Variants in DCLK1 observed in about 807,000 individuals in gnomAD.
DCLK1 encodes the protein doublecortin like kinase 1.
In DCLK1, 16 loss-of-function variants were observed where a neutral mutation model predicts 86.2. That is an observed-to-expected ratio of 0.19 (90% confidence interval 0.13 to 0.28). The LOEUF (loss-of-function observed/expected upper bound fraction) is 0.28, where lower values mean the gene tolerates loss of function less well. DCLK1 is among the 10% of genes least tolerant of loss of function. The probability of loss-of-function intolerance (pLI) is 1.00; values close to 1 mark genes in which losing one functional copy is unlikely to be tolerated. For missense variants in DCLK1, 590 were observed against 940.2 expected (o/e 0.63, Z 4.87); for synonymous variants, 369 against 370.5 (o/e 1.00, Z 0.05).
chr13:35,811,559 A>G (rs7983581), intron 11 of DCLK1, among the ~76,000 whole-genome samples: 46,626 of 152,072 alleles, frequency 0.31, 7,572 homozygotes, highest in African/African-American at 0.4. Flanking sequence ...ACTTGCCGGG[A>G]GCTGTGGCTC....
chr13:35,988,554 G>C (rs1880054295), intron 3 of DCLK1, among the ~76,000 whole-genome samples: 1 of 152,180 alleles, frequency 6.6e-6, no homozygotes, highest in African/African-American at 2.4e-5. Flanking sequence ...TACCATTTAT[G>C]ATCTATTTTT....
At chr13:35,846,685 C>A in intron 6 of DCLK1, 1 of 985,238 alleles carries the variant, frequency 1.0e-6, no homozygotes, top group Non-Finnish European at 1.2e-6. Context: ...TCACACTATG[C>A]CTCTGTGCAA....
At chr13:35,991,752 C>A (rs1880241111) in intron 3 of DCLK1, among the ~76,000 whole-genome samples, 1 of 152,130 alleles carries the variant, frequency 6.6e-6, no homozygotes, top group African/African-American at 2.4e-5. Context: ...CAGCTGTGAA[C>A]CTAGGATGGA....
At chr13:36,056,635 A>AG (rs1883325264) in intron 3 of DCLK1, among the ~76,000 whole-genome samples, 1 of 145,262 alleles carries the variant, frequency 6.9e-6, no homozygotes, top group Non-Finnish European at 1.5e-5. Context: ...AAAAAAAAAA[A>AG]AGAAAGAAAT....
At chr13:35,847,624 AAAG>A in intron 6 of DCLK1, 2 of 182,416 alleles carry the variant, frequency 1.1e-5, no homozygotes, top group Non-Finnish European at 1.3e-5. Context: ...TAAGCAAAAA[AAAG>A]AAAGAAAGAA....
At chr13:35,888,803 T>A (rs1873456659) in intron 4 of DCLK1, among the ~76,000 whole-genome samples, 1 of 152,228 alleles carries the variant, frequency 6.6e-6, no homozygotes, top group Non-Finnish European at 1.5e-5. Flanking sequence ...ACAAAATTAT[T>A]TCAGTAGATA....
chr13:35,809,130 C>T, intron 12 of DCLK1, 35 bp from the exon 13 acceptor site: 1 of 1,552,140 alleles, frequency 6.4e-7, no homozygotes, highest in Non-Finnish European at 8.8e-7. Flanking sequence ...TTAGGAGGGT[C>T]AGGCTCGGAC....
At chr13:35,895,286 G>GT (rs1340591470) in intron 4 of DCLK1, among the ~76,000 whole-genome samples, 3 of 136,386 alleles carry the variant, frequency 2.2e-5, no homozygotes, top group Admixed American at 6.8e-5. Flanking sequence ...AACAGGAAAG[G>GT]TAAAAAAAAA....
chr13:35,938,800 G>A, intron 4 of DCLK1, among the ~76,000 whole-genome samples: 1 of 151,970 alleles, frequency 6.6e-6, no homozygotes, highest in Non-Finnish European at 1.5e-5. Context: ...TTAGTGTCCA[G>A]GATTCACCTA....
chr13:35,792,056 C>T (rs982551996), intron 16 of DCLK1, among the ~76,000 whole-genome samples: 1 of 152,228 alleles, frequency 6.6e-6, no homozygotes, highest in Non-Finnish European at 1.5e-5. Flanking sequence ...GGTTAATTTA[C>T]TTCTACATTG....
intron 4 of DCLK1, among the ~76,000 whole-genome samples, chr13:35,916,776 G>T (rs969643177): frequency 4.6e-5 from 7 of 152,092 alleles, no homozygotes; most frequent in Non-Finnish European, 8.8e-5. Flanking sequence ...AATGCTCATG[G>T]GATTGTGACA....
chr13:35,775,889 A>T (rs148414187), intron 16 of DCLK1, among the ~76,000 whole-genome samples: 193 of 152,316 alleles, frequency 1.3e-3, no homozygotes, highest in African/African-American at 4.4e-3. Context: ...GATCTAAAAT[A>T]GGCCAATCAA....
At chr13:35,919,792 C>T (rs1854823606) in intron 4 of DCLK1, among the ~76,000 whole-genome samples, 1 of 150,642 alleles carries the variant, frequency 6.6e-6, no homozygotes, top group Admixed American at 6.6e-5. Flanking sequence ...GAGACCCCAC[C>T]CCTCTCAAAA....
chr13:36,125,611 A>G lies in DCLK1; in HGVS notation c.376+151T>C, dbSNP rs993047982. 1.9e-5 allele frequency: 23 copies of G among 1,199,340 alleles called. No homozygotes were observed. In the African/African-American group the frequency reaches 3.4e-4, roughly 18 times the overall value. 74.3% of individuals were successfully genotyped at this position (1,199,340 alleles called of 1,614,324 possible). A position where few individuals can be genotyped will look rare whatever the true frequency, so the allele number is the denominator to read the frequency against. Reference sequence around the variant, plus strand: ...TAATTTTTTTTCCTTTTTACTCTACACAATAGCACATTCGTATGTCTGAAA... The same window carrying G: ...TAATTTTTTTTCCTTTTTACTCTACGCAATAGCACATTCGTATGTCTGAAA... On this transcript the variant is annotated intron_variant, in intron 2 of 16. Transcript: ENST00000360631.
intron 3 of DCLK1, among the ~76,000 whole-genome samples, chr13:36,017,473 T>C (rs1566647507): frequency 1.3e-5 from 2 of 152,202 alleles, no homozygotes. Context: ...AATTCTCTTT[T>C]AACCAACACA....
chr13:35,948,083 C>A (rs1355301414), intron 3 of DCLK1, among the ~76,000 whole-genome samples: 1 of 152,238 alleles, frequency 6.6e-6, no homozygotes, highest in Admixed American at 6.5e-5. Flanking sequence ...TCTTGCCATG[C>A]AAAAGGCAAG....
chr13:35,964,537 G>A (rs1878627045), intron 3 of DCLK1, among the ~76,000 whole-genome samples: 1 of 152,172 alleles, frequency 6.6e-6, no homozygotes, highest in African/African-American at 2.4e-5. Flanking sequence ...TAATTACACT[G>A]AGGCATGTGG....
At chr13:35,949,090 A>G (rs1316461203) in intron 3 of DCLK1, among the ~76,000 whole-genome samples, 1 of 152,244 alleles carries the variant, frequency 6.6e-6, no homozygotes, top group Non-Finnish European at 1.5e-5. Flanking sequence ...AGCATCTGGC[A>G]GAAATGAAGA....
chr13:36,053,290 G>C (rs1458920056), intron 3 of DCLK1, among the ~76,000 whole-genome samples: 1 of 152,108 alleles, frequency 6.6e-6, no homozygotes, highest in Non-Finnish European at 1.5e-5. Context: ...ACAGTCTAGC[G>C]AGCGGGGCAG....
Sources: allele counts gnomAD v4.1 joint callset (sites outside exome capture counted in the v4.1 genomes callset), GRCh38; gene constraint gnomAD v4.1.1; transcripts MANE v1.5; gene names NCBI Gene and HGNC (gene_info 2026-07-23, HGNC 2026-07-21).